KIF1A: variants seen among roughly 807,000 people sequenced by gnomAD.
KIF1A encodes kinesin family member 1A.
In KIF1A, 46 loss-of-function variants were observed where a neutral mutation model predicts 227.3. That is an observed-to-expected ratio of 0.20 (90% CI 0.16 to 0.26). KIF1A has a LOEUF of 0.26. KIF1A is among the 10% of genes least tolerant of loss of function. KIF1A has a pLI of 1.00. For synonymous variants in KIF1A, 1,022 were observed against 1,012.8 expected, an observed-to-expected ratio of 1.01 and a Z score of -0.17; for missense variants, 1,683 against 2,485.9, an observed-to-expected ratio of 0.68 and a Z score of 6.87.
At chr2:240,806,995 A>C (rs2057451251) in intron 1 of KIF1A, among the ~76,000 whole-genome samples, 1 of 151,942 alleles carries the variant, frequency 6.6e-6, no homozygotes, top group Admixed American at 6.6e-5. Context: ...AGGACCCCCC[A>C]CAGATACCAA....
rs1030335928 is a variant in KIF1A at position 240,797,509 on chromosome 2, G to T, written c.106+138C>A. ...TGGCAGTTTGTTACAGCAGCCCCAG[G>T]ACACCCACACGCCACATAGACAAGG... On this transcript the variant is annotated intron_variant, in intron 2 of 48. Coordinates refer to ENST00000498729, the MANE Select transcript of KIF1A (RefSeq NM_001244008.2). 6.3e-6 allele frequency: 4 copies of T among 630,454 alleles called. No homozygotes were observed. In the African/African-American group the frequency reaches 7.2e-5, roughly 11 times the overall value. The allele number at this position is 630,454 out of a possible 1,614,324, so 39.1% of individuals were successfully genotyped here.
At position 240,758,742 on chromosome 2, in the gene KIF1A, A is replaced by C. The variant is rs114314298; in HGVS notation, c.2445-245T>G. The stretch of plus-strand genomic sequence containing the variant: ...CAACAGCTCCTCCCAAACTCCCTCC[A>C]GGGGGTGGGCTGGGGAACAAGCAGT... On this transcript the variant is annotated intron_variant, in intron 25 of 48. Coordinates refer to ENST00000498729, the MANE Select transcript of KIF1A (RefSeq NM_001244008.2). The surrounding 1 kb of genome is among the most constrained non-coding windows in gnomAD (Gnocchi z 5.2). Among the ~76,000 whole-genome samples, 661 of 152,084 alleles carry C rather than the reference A, an allele frequency of 4.3e-3. 5 individuals are homozygous for C. Among genetic ancestry groups the C allele is most frequent in the African/African-American group, 0.015 (616 of 41,482 alleles).
At chr2:240,722,000 G>A (rs1382105794) in intron 43 of KIF1A, 116 bp from the exon 44 acceptor site, 1 of 788,266 alleles carries the variant, frequency 1.3e-6, no homozygotes, top group Non-Finnish European at 2.1e-6. Flanking sequence ...CGACGCCAGA[G>A]CACAGTGGGT....
At chr2:240,718,765 C>T (rs1222037876) in intron 47 of KIF1A, among the ~76,000 whole-genome samples, 1 of 152,234 alleles carries the variant, frequency 6.6e-6, no homozygotes, top group Non-Finnish European at 1.5e-5. Flanking sequence ...TTGCCCTGAC[C>T]GGAGTCCATC....
rs1343564282 is a variant in KIF1A at position 240,760,627 on chromosome 2, AC to A, written c.2444+37del. ...TGTGGCTTCAGCCCTGCCCAGGAGG[AC>A]CCTCCCACCATCCACCCAGCGGCCC... On this transcript the variant is annotated intron_variant, in intron 25 of 48. Coordinates refer to ENST00000498729, the MANE Select transcript of KIF1A (RefSeq NM_001244008.2). 4.2e-6 allele frequency: 6 copies of A among 1,411,932 alleles called. No homozygotes were observed. The African/African-American group carries it at 6.0e-5, about 14-fold the overall frequency. The allele number at this position is 1,411,932 out of a possible 1,614,324, so 87.5% of individuals were successfully genotyped here.
intron 23 of KIF1A, 137 bp downstream of exon 23, chr2:240,762,582 G>A (rs2050664077): frequency 1.6e-6 from 2 of 1,247,742 alleles, no homozygotes; most frequent in South Asian, 2.0e-5. Context: ...AGGGCAAGGA[G>A]GTCTTTCCCT....
chr2:240,785,572 A>G (rs2054631989), intron 6 of KIF1A, among the ~76,000 whole-genome samples: 2 of 152,140 alleles, frequency 1.3e-5, no homozygotes, highest in Non-Finnish European at 2.9e-5. Context: ...AAGGCTGCTG[A>G]GGGTGGCCTG....
chr2:240,722,540 G>A lies in KIF1A; in HGVS notation c.4581C>T (p.Ser1527=), dbSNP rs373703367. ...FSEDSESHGS[S]SASSPLSAEG... The stretch of plus-strand genomic sequence containing the variant: ...CAGCCGAGAGCGGGGAGGAGGCGCT[G>A]GAGGAGCCATGGGACTCAGAGTCCT... The change falls in exon 43 of 49, where the codon TCC becomes TCT. Residue 1527 remains serine (S), a synonymous_variant. Coordinates refer to ENST00000498729, the MANE Select transcript of KIF1A (RefSeq NM_001244008.2). 96 of 1,549,948 alleles carry A rather than the reference G, an allele frequency of 6.2e-5. No homozygotes were observed. In the African/African-American group the frequency reaches 1.2e-3, roughly 19 times the overall value.
chr2:240,746,845 C>T (rs1002919964), intron 29 of KIF1A, among the ~76,000 whole-genome samples: 5 of 152,050 alleles, frequency 3.3e-5, no homozygotes, highest in African/African-American at 9.7e-5. Context: ...CAGGAGCAGG[C>T]GAAGGAGCAG....
At chr2:240,782,426 G>T (rs1373726339) in intron 10 of KIF1A, among the ~76,000 whole-genome samples, 164 bp downstream of exon 10, 1 of 152,100 alleles carries the variant, frequency 6.6e-6, no homozygotes, top group East Asian at 1.9e-4. Context: ...GCACCGCACG[G>T]GGCCTCCCAC....
At chr2:240,723,160 A>G (rs1052239650) in intron 42 of KIF1A, among the ~76,000 whole-genome samples, 11 of 152,142 alleles carry the variant, frequency 7.2e-5, no homozygotes, top group Non-Finnish European at 1.5e-4. Flanking sequence ...CTCTGTCTAT[A>G]TGCCCGATAG....
intron 12 of KIF1A, among the ~76,000 whole-genome samples, 187 bp from the exon 13 acceptor site, chr2:240,773,443 C>T (rs1488287416): frequency 6.6e-6 from 1 of 152,170 alleles, no homozygotes; most frequent in Non-Finnish European, 1.5e-5. Flanking sequence ...CTGGGGAGGG[C>T]ATTTGGGGCC....
At position 240,739,782 on chromosome 2, in the gene KIF1A, G is replaced by A. The variant is rs1458291921; in HGVS notation, c.3901+276C>T. On this transcript the variant is annotated intron_variant, in intron 37 of 48. Transcript: ENST00000498729. The surrounding 1 kb of genome is among the most constrained non-coding windows in gnomAD (Gnocchi z 5.6). Reference sequence around the variant, plus strand: ...CCTCCAGAAGTGTGAGATGATAAATGTCTGCTGTTTTAAGCTACCTGGTTT... The same window carrying A: ...CCTCCAGAAGTGTGAGATGATAAATATCTGCTGTTTTAAGCTACCTGGTTT... 6.6e-6 allele frequency among the ~76,000 whole-genome samples: 1 copy of A among 152,174 alleles called. No homozygotes were observed. Among genetic ancestry groups the A allele is most frequent in the African/African-American group, 2.4e-5 (1 of 41,440 alleles).
At chr2:240,809,366 T>A (rs1465979952) in intron 1 of KIF1A, among the ~76,000 whole-genome samples, 1 of 152,064 alleles carries the variant, frequency 6.6e-6, no homozygotes, top group African/African-American at 2.4e-5. Context: ...TGGCATGAAG[T>A]CGGGCTGTGC....
Position 240,788,039 on chromosome 2 carries a change from C to CCCCCCACGGGG in KIF1A, c.363+11_363+12insCCCCGTGGGGG. The CCCCCCACGGGG allele has an allele frequency of 6.6e-7, 1 of 1,512,640 alleles. No homozygotes were observed. Among genetic ancestry groups the CCCCCCACGGGG allele is most frequent in the Non-Finnish European group, 9.0e-7 (1 of 1,113,688 alleles). 93.7% of individuals were successfully genotyped at this position (1,512,640 alleles called of 1,614,324 possible). ...CTGCCAGGGCTGCCCCCGCCCGCCC[C>CCCCCCACGGGG]CCGCTTCGTGCCTGTGGGATGATGC... On this transcript the variant is annotated intron_variant, in intron 4 of 48. Coordinates refer to ENST00000498729, the MANE Select transcript of KIF1A (RefSeq NM_001244008.2). This position sits in a 1 kb window ranked among gnomAD's most constrained non-coding sequence, Gnocchi z 6.6.
chr2:240,757,377 G>A lies in KIF1A; in HGVS notation c.2800C>T (p.Leu934=), dbSNP rs1302097483. The A allele has an allele frequency of 6.4e-7, 1 of 1,550,540 alleles. No homozygotes were observed. The highest frequency in any genetic ancestry group is 8.7e-7 in the Non-Finnish European group (1 of 1,147,044). Residue 934 remains leucine, a synonymous_variant, in exon 27 of 49, where the codon CTG becomes TTG. Transcript: ENST00000498729. This position sits in a 1 kb window ranked among gnomAD's most constrained non-coding sequence, Gnocchi z 6.2. ...TAAAACGGGTCCCGGCCGTCGCACA[G>A]CGCGTGCTCCGGAAAGACGTCGTCC... ...LEDDVFPEHA[L]CDGRDPFYDR... is the part of the protein sequence containing the mutation.
chr2:240,819,693 C>T (rs2058588789), intron 1 of KIF1A, among the ~76,000 whole-genome samples: 1 of 151,612 alleles, frequency 6.6e-6, no homozygotes, highest in South Asian at 2.1e-4. Context: ...TCCCTCCCCT[C>T]CCCCGCCGTC....
rs528171871 is a variant in KIF1A, at chr2:240,721,842, G to A, written c.4708C>T (p.His1570Tyr). 5.2e-5 allele frequency: 83 copies of A among 1,607,538 alleles called. No homozygotes were observed. The highest frequency in any genetic ancestry group is 6.8e-5 in the Non-Finnish European group (80 of 1,179,406). Residue 1570 changes from histidine to tyrosine, a missense_variant, in exon 44 of 49, where the codon CAC becomes TAC. His to Tyr is a moderately conservative substitution (Grantham distance 83, BLOSUM62 2). Around this residue, in one of 12 missense-constraint regions of KIF1A, gnomAD observed 384 missense variants for 410.1 expected, o/e 0.94. Coordinates refer to ENST00000498729, the MANE Select transcript of KIF1A (RefSeq NM_001244008.2). ...LTHTFNREYT[H>Y]SHVCVSASES... The stretch of plus-strand genomic sequence containing the variant: ...CTGGCACTGACGCAGACGTGGCTGT[G>A]TGTGTACTCTCTGTTGAATGTGTGC...
At chr2:240,815,211 C>T (rs964619863) in intron 1 of KIF1A, among the ~76,000 whole-genome samples, 3 of 152,212 alleles carry the variant, frequency 2.0e-5, no homozygotes, top group African/African-American at 4.8e-5. Flanking sequence ...TCAGGAGCCA[C>T]ACCGACCCAT....
Sources: allele counts gnomAD v4.1 joint callset (sites outside exome capture counted in the v4.1 genomes callset), GRCh38; gene constraint gnomAD v4.1.1; regional missense constraint gnomAD v4.1.1; non-coding constraint Gnocchi (gnomAD v3.1); transcripts MANE v1.5; gene names NCBI Gene and HGNC (gene_info 2026-07-23, HGNC 2026-07-21).